CBFA2T2: variants seen among roughly 807,000 people sequenced by gnomAD.
The protein encoded by CBFA2T2 is CBFA2/RUNX1 partner transcriptional co-repressor 2.
CBFA2T2 carries 11 observed loss-of-function variants against 62.2 expected under a neutral mutation model. The observed-to-expected ratio is 0.18, with a 90% CI of 0.11 to 0.29. The LOEUF is 0.29. Ranked by LOEUF, CBFA2T2 falls within the 10% of genes least tolerant of loss-of-function variation. The probability of loss-of-function intolerance (pLI) is 1.00; values close to 1 mark genes in which losing one functional copy is unlikely to be tolerated. For synonymous variants in CBFA2T2, 295 were observed against 287.5 expected, an observed-to-expected ratio of 1.03 and a Z score of -0.27; for missense variants, 592 against 774.1, an observed-to-expected ratio of 0.76 and a Z score of 2.79.
chr20:33,621,841 G>A (rs2016002172), intron 4 of CBFA2T2, among the ~76,000 whole-genome samples: 1 of 152,182 alleles, frequency 6.6e-6, no homozygotes, highest in South Asian at 2.1e-4. Flanking sequence ...GGTTCTAATG[G>A]CATTGAAGCC....
chr20:33,619,331 C>T (rs758650989), intron 3 of CBFA2T2, among the ~76,000 whole-genome samples, 186 bp from the exon 4 acceptor site: 1 of 151,832 alleles, frequency 6.6e-6, no homozygotes, highest in Non-Finnish European at 1.5e-5. Flanking sequence ...CAGGAGATCA[C>T]AGGAGGTGGA....
chr20:33,494,230 G>GGC (rs1164781807), intron 1 of CBFA2T2, among the ~76,000 whole-genome samples: 8 of 104,670 alleles, frequency 7.6e-5, no homozygotes, highest in African/African-American at 2.7e-4. Flanking sequence ...CTATGTATTA[G>GGC]GCATATATAT....
chr20:33,500,098 C>G (rs1327913206), intron 1 of CBFA2T2, among the ~76,000 whole-genome samples: 1 of 151,986 alleles, frequency 6.6e-6, no homozygotes, highest in Admixed American at 6.6e-5. Flanking sequence ...ACTGGGACTA[C>G]AGGCGCCCGT....
chr20:33,640,404 C>A lies in CBFA2T2; in HGVS notation c.1361C>A (p.Ala454Glu). The A allele has an allele frequency of 6.2e-7, 1 of 1,614,244 alleles. No homozygotes were observed. The highest frequency in any genetic ancestry group is 8.5e-7 in the Non-Finnish European group (1 of 1,180,050). Reference protein sequence around the residue: ...MSEVQKAVAEAEQKAFEVIAT... With the variant: ...MSEVQKAVAEEEQKAFEVIAT... ...GAAGTACAGAAGGCCGTCGCTGAGG[C>A]AGAGCAGAAAGCCTTTGAAGTGATT... The change falls in exon 10 of 11, where the codon GCA becomes GAA. Residue 454 changes from alanine to glutamate, a missense_variant. Ala to Glu is a moderately radical substitution (Grantham distance 107). Coordinates refer to ENST00000342704, the MANE Select transcript of CBFA2T2 (RefSeq NM_001032999.3).
At chr20:33,581,477 TC>T (rs1263167420) in intron 1 of CBFA2T2, among the ~76,000 whole-genome samples, 2 of 150,784 alleles carry the variant, frequency 1.3e-5, no homozygotes, top group Admixed American at 1.3e-4. Flanking sequence ...TGTTTTTTGT[TC>T]TTTGTGTGTG....
chr20:33,506,374 A>T (rs533589957), intron 1 of CBFA2T2, among the ~76,000 whole-genome samples: 1 of 152,314 alleles, frequency 6.6e-6, no homozygotes, highest in Non-Finnish European at 1.5e-5. Flanking sequence ...CTCTTTTTTC[A>T]TATTTACTTT....
At chr20:33,592,897 A>G (rs1046927746) in intron 1 of CBFA2T2, among the ~76,000 whole-genome samples, 1 of 152,210 alleles carries the variant, frequency 6.6e-6, no homozygotes, top group Admixed American at 6.5e-5. Flanking sequence ...GAAGCTGAAT[A>G]TCTACATCTT....
At chr20:33,528,226 A>G (rs1466758153) in intron 1 of CBFA2T2, among the ~76,000 whole-genome samples, 1 of 152,196 alleles carries the variant, frequency 6.6e-6, no homozygotes, top group African/African-American at 2.4e-5. Flanking sequence ...GGAGACTGTG[A>G]TATGTATAAG....
At chr20:33,626,822 G>T (rs531684080) in intron 6 of CBFA2T2, among the ~76,000 whole-genome samples, 2 of 152,294 alleles carry the variant, frequency 1.3e-5, no homozygotes, top group African/African-American at 2.4e-5. Flanking sequence ...AGCAGCCATG[G>T]TGTTCTCAGA....
intron 1 of CBFA2T2, among the ~76,000 whole-genome samples, chr20:33,533,087 C>G (rs2012104676): frequency 6.6e-6 from 1 of 152,152 alleles, no homozygotes; most frequent in African/African-American, 2.4e-5. Context: ...ACTTTTCCCC[C>G]CTTACATATA....
chr20:33,513,789 G>A (rs147619228), intron 1 of CBFA2T2, among the ~76,000 whole-genome samples: 90 of 146,978 alleles, frequency 6.1e-4, no homozygotes, highest in African/African-American at 2.1e-3. Context: ...GCTACTGGCC[G>A]GGTGACAGAG....
At chr20:33,596,919 G>GTTT (rs59278499) in intron 1 of CBFA2T2, among the ~76,000 whole-genome samples, 49 of 125,328 alleles carry the variant, frequency 3.9e-4, no homozygotes, top group East Asian at 6.8e-4. Flanking sequence ...CTTGACCTCT[G>GTTT]TTTTTTTTTT....
At chr20:33,512,119 G>A (rs1423281416) in intron 1 of CBFA2T2, among the ~76,000 whole-genome samples, 2 of 152,032 alleles carry the variant, frequency 1.3e-5, no homozygotes, top group African/African-American at 2.4e-5. Context: ...GGAGGTTGCA[G>A]TGAGCTGAGA....
At chr20:33,562,394 A>G (rs1600973774) in intron 1 of CBFA2T2, 1 of 986,042 alleles carries the variant, frequency 1.0e-6, no homozygotes, top group Non-Finnish European at 1.2e-6. Flanking sequence ...GACTGACTGT[A>G]TCTGGGGATT....
intron 1 of CBFA2T2, among the ~76,000 whole-genome samples, chr20:33,512,873 C>T (rs2011534568): frequency 6.6e-6 from 1 of 151,828 alleles, no homozygotes; most frequent in Non-Finnish European, 1.5e-5. Flanking sequence ...CTGCCTCAGC[C>T]TCCCAAGTAG....
chr20:33,624,503 T>C lies in CBFA2T2; in HGVS notation c.693-261T>C, dbSNP rs143301378. On this transcript the variant is annotated intron_variant, in intron 5 of 10. Transcript: ENST00000342704. ...ACGGTGTCATCTCCTTAGTCTCTCC[T>C]TTGCTTTATAAGGGTTAATGTTTCT... Among the ~76,000 whole-genome samples, 639 of 152,270 alleles carry C rather than the reference T, an allele frequency of 4.2e-3. 4 individuals carry two copies. The highest frequency in any genetic ancestry group is 0.014 in the African/African-American group (594 of 41,552).
chr20:33,494,976 G>A (rs893754627), intron 1 of CBFA2T2, among the ~76,000 whole-genome samples: 4 of 152,188 alleles, frequency 2.6e-5, no homozygotes, highest in African/African-American at 9.6e-5. Context: ...CAGTTCCAAC[G>A]TTGTCTTTCT....
intron 6 of CBFA2T2, among the ~76,000 whole-genome samples, chr20:33,628,133 C>T (rs1464905156): frequency 6.6e-6 from 1 of 152,108 alleles, no homozygotes; most frequent in Non-Finnish European, 1.5e-5. Context: ...AGGGCTATTT[C>T]GTGTTTTACA....
At chr20:33,492,421 A>G (rs2146839671) in intron 1 of CBFA2T2, among the ~76,000 whole-genome samples, 1 of 151,938 alleles carries the variant, frequency 6.6e-6, no homozygotes, top group Middle Eastern at 3.4e-3. Flanking sequence ...CACTTAAAAA[A>G]AAAAGATTGT....
Sources: gnomAD v4.1 joint callset for allele counts (sites outside exome capture counted in the v4.1 genomes callset) on GRCh38, gnomAD v4.1.1 for gene constraint, MANE v1.5 for transcripts, NCBI Gene and HGNC (gene_info 2026-07-23, HGNC 2026-07-21) for gene names.